PHACTR2: variants seen among roughly 807,000 people sequenced by gnomAD.
The protein encoded by PHACTR2 is chromosome 6 open reading frame 56.
PHACTR2 carries 30 observed loss-of-function variants against 76.0 expected under a neutral mutation model. The observed-to-expected ratio is 0.39, with a 90% confidence interval of 0.30 to 0.54. PHACTR2 has a LOEUF of 0.54. Ranked by LOEUF, PHACTR2 falls within the 20% of genes least tolerant of loss-of-function variation. The pLI is 0.61. For missense variants in PHACTR2, 696 were observed against 781.1 expected, an observed-to-expected ratio of 0.89 and a Z score of 1.30; for synonymous variants, 292 against 292.5, an observed-to-expected ratio of 1.00 and a Z score of 0.02.
At position 143,827,752 on chromosome 6, in the gene PHACTR2, T is replaced by C. The variant is rs1776576550; in HGVS notation, c.*4063T>C. Reference sequence around the variant, plus strand: ...TTGTCCCTTGACCTCTTGAAATGGCTAGATCTTTCACTACTGTGTAGGTAG... The same window carrying C: ...TTGTCCCTTGACCTCTTGAAATGGCCAGATCTTTCACTACTGTGTAGGTAG... On this transcript the variant is annotated 3_prime_UTR_variant, in exon 13 of 13. Coordinates refer to ENST00000440869, the MANE Select transcript of PHACTR2 (RefSeq NM_001100164.2). The C allele has an allele frequency of 6.6e-6, 1 of 152,216 alleles. No homozygotes were observed. The highest frequency in any genetic ancestry group is 6.5e-5 in the Admixed American group (1 of 15,280). 9.4% of individuals were successfully genotyped at this position (152,216 alleles called of 1,614,324 possible). A position where few individuals can be genotyped will look rare whatever the true frequency, so the allele number is the denominator to read the frequency against.
At position 143,696,603 on chromosome 6, in the gene PHACTR2, A is replaced by G. The variant is rs1175148520; in HGVS notation, c.47-15413A>G. ...AGGTTACCAGCTAGGATGGGGAGGA[A>G]CAGATTATTACATTCAGATCTTTCT... On this transcript the variant is annotated intron_variant, in intron 1 of 12. Transcript: ENST00000440869. The surrounding 1 kb of genome is among the most constrained non-coding windows in gnomAD (Gnocchi z 4.1). 1.3e-5 allele frequency among the ~76,000 whole-genome samples: 2 copies of G among 152,188 alleles called. No homozygotes were observed. The highest frequency in any genetic ancestry group is 2.4e-5 in the African/African-American group (1 of 41,438).
intron 1 of PHACTR2, among the ~76,000 whole-genome samples, chr6:143,555,959 A>G (rs1273316911): frequency 6.6e-6 from 1 of 151,890 alleles, no homozygotes; most frequent in East Asian, 1.9e-4. Context: ...GTTCAAAAAA[A>G]TGATCCTTTT....
At chr6:143,740,112 A>G (rs953228859) in intron 2 of PHACTR2, among the ~76,000 whole-genome samples, 3 of 152,198 alleles carry the variant, frequency 2.0e-5, no homozygotes, top group African/African-American at 7.2e-5. Context: ...TCATGATTAC[A>G]TGCTAAACAA....
intron 1 of PHACTR2, among the ~76,000 whole-genome samples, chr6:143,687,222 A>G (rs73778663): frequency 0.031 from 4,682 of 152,288 alleles, 214 homozygotes; most frequent in African/African-American, 0.11. Context: ...AGTCTGAAAT[A>G]GAAAATAATA....
chr6:143,787,760 TA>T lies in PHACTR2; in HGVS notation c.1708-1003del, dbSNP rs561041078. On this transcript the variant is annotated intron_variant, in intron 10 of 12. Transcript: ENST00000440869. The surrounding 1 kb of genome is among the most constrained non-coding windows in gnomAD (Gnocchi z 4.6). ...AGACCCCCCACCCACTCTGTTTAAA[TA>T]AAAAAAAAATAAGCAATATCTCCGG... is the stretch of plus-strand genomic sequence containing the variant. Among the ~76,000 whole-genome samples the T allele has an allele frequency of 4.1e-5, 6 of 147,700 alleles. No homozygotes were observed. The highest frequency in any genetic ancestry group is 1.2e-4 in the African/African-American group (5 of 40,264).
At chr6:143,640,950 A>C (rs1293879147) in intron 1 of PHACTR2, among the ~76,000 whole-genome samples, 1 of 152,202 alleles carries the variant, frequency 6.6e-6, no homozygotes, top group East Asian at 1.9e-4. Context: ...AAGAGAAGGC[A>C]TGTGTCTTAG....
Position 143,537,228 on chromosome 6 carries a change from G to A in PHACTR2, c.217+21G>A, listed in dbSNP as rs1238844155. ...CTCAGGTAAGAGCGGCTCGGGGCGC[G>A]GGCCGGGGAGGGCCGGCCGCGGGCA... is the stretch of plus-strand genomic sequence containing the variant. On this transcript the variant is annotated intron_variant, in intron 1 of 11. Coordinates refer to the PHACTR2 transcript ENST00000367584. The surrounding 1 kb of genome is among the most constrained non-coding windows in gnomAD (Gnocchi z 4.4). 9 of 209,460 alleles carry A rather than the reference G, an allele frequency of 4.3e-5. No individual in the cohort carries two copies. The highest frequency in any genetic ancestry group is 3.5e-4 in the Admixed American group (6 of 17,192). 13.0% of individuals were successfully genotyped at this position (209,460 alleles called of 1,614,324 possible).
chr6:143,827,105 A>T lies in PHACTR2; in HGVS notation c.*3416A>T, dbSNP rs1776545188. The T allele has an allele frequency of 6.9e-6, 1 of 145,644 alleles. No homozygotes were observed. The highest frequency in any genetic ancestry group is 6.9e-5 in the Admixed American group (1 of 14,422). 9.0% of individuals were successfully genotyped at this position (145,644 alleles called of 1,614,324 possible). ...TTAAAACCTGAGTCAAAAAAGGTCCAGTTTTACAGCCTGCAATTAATTCAG... is the reference window on the plus strand; with the variant it reads ...TTAAAACCTGAGTCAAAAAAGGTCCTGTTTTACAGCCTGCAATTAATTCAG... On this transcript the variant is annotated 3_prime_UTR_variant, in exon 13 of 13. Coordinates refer to ENST00000440869, the MANE Select transcript of PHACTR2 (RefSeq NM_001100164.2).
intron 1 of PHACTR2, among the ~76,000 whole-genome samples, chr6:143,593,080 A>G (rs1286090328): frequency 1.3e-5 from 2 of 148,532 alleles, no homozygotes; most frequent in Non-Finnish European, 3.0e-5. Flanking sequence ...AGGAACCCCC[A>G]TGAGATTATC....
rs1397729621 is a variant in PHACTR2 at position 143,679,115 on chromosome 6, A to G, written c.46+906A>G. Among the ~76,000 whole-genome samples, 2 of 152,246 alleles carry G rather than the reference A, an allele frequency of 1.3e-5. No individual in the cohort carries two copies. The highest frequency in any genetic ancestry group is 2.4e-5 in the African/African-American group (1 of 41,462). ...CACTTTTTAAATTGTGCAAACATCA[A>G]CAGGATCTTGCTGAAAGGAAATGAC... is the stretch of plus-strand genomic sequence containing the variant. On this transcript the variant is annotated intron_variant, in intron 1 of 12. Coordinates refer to ENST00000440869, the MANE Select transcript of PHACTR2 (RefSeq NM_001100164.2). The surrounding 1 kb of genome is among the most constrained non-coding windows in gnomAD (Gnocchi z 4.6).
At chr6:143,574,871 ACAGCAACAAC>A (rs1366155390) in intron 1 of PHACTR2, among the ~76,000 whole-genome samples, 3 of 152,190 alleles carry the variant, frequency 2.0e-5, no homozygotes, top group Non-Finnish European at 4.4e-5. Flanking sequence ...GTGGTGTAAA[ACAGCAACAAC>A]AACAACAACC....
In PHACTR2 at chr6:143,611,892, C is replaced by T. The variant is rs1292799166; in HGVS notation, c.13+3570C>T. Among the ~76,000 whole-genome samples, 1 of 152,112 alleles carries T rather than the reference C, an allele frequency of 6.6e-6. No homozygotes were observed. Among genetic ancestry groups the T allele is most frequent in the Non-Finnish European group, 1.5e-5 (1 of 68,024 alleles). On this transcript the variant is annotated intron_variant, in intron 1 of 11. Transcript: ENST00000305766. This position sits in a 1 kb window ranked among gnomAD's most constrained non-coding sequence, Gnocchi z 4.4. ...ATGCATTGGATATGCATCAGCAGAG[C>T]ACGACGAGTGGATATGGAGGCAGGG...
At position 143,823,937 on chromosome 6, in the gene PHACTR2, T is replaced by C. The variant is rs1276822423; in HGVS notation, c.*248T>C. On this transcript the variant is annotated 3_prime_UTR_variant, in exon 13 of 13. Coordinates refer to ENST00000440869, the MANE Select transcript of PHACTR2 (RefSeq NM_001100164.2). The surrounding 1 kb of genome is among the most constrained non-coding windows in gnomAD (Gnocchi z 5.7). The stretch of plus-strand genomic sequence containing the variant: ...TGCACAGCGATGGTAAGAGACACCG[T>C]GGATATTCTTCATCAGAAGCTTTAA... 3 of 378,920 alleles carry C rather than the reference T, an allele frequency of 7.9e-6. No homozygotes were observed. The highest frequency in any genetic ancestry group is 1.4e-5 in the Non-Finnish European group (3 of 209,388). 23.5% of individuals were successfully genotyped at this position (378,920 alleles called of 1,614,324 possible).
intron 7 of PHACTR2, 126 bp from the exon 8 acceptor site, chr6:143,773,933 A>T (rs1258810583): frequency 1.6e-6 from 1 of 632,628 alleles, no homozygotes; most frequent in East Asian, 2.9e-5. Context: ...GTTAATTAAG[A>T]TTCTCCTCCT....
In PHACTR2 at chr6:143,653,729, A is replaced by G. The variant is rs915859384; in HGVS notation, c.13+45407A>G. On this transcript the variant is annotated intron_variant, in intron 1 of 11. Coordinates refer to the PHACTR2 transcript ENST00000305766. The surrounding 1 kb of genome is among the most constrained non-coding windows in gnomAD (Gnocchi z 4.9). Reference sequence around the variant, plus strand: ...TTAAAAAATTAACTCAAGATTGATCAAAGACCTAGATGTAAGAGCTAAAAC... The same window carrying G: ...TTAAAAAATTAACTCAAGATTGATCGAAGACCTAGATGTAAGAGCTAAAAC... Among the ~76,000 whole-genome samples the G allele has an allele frequency of 2.0e-5, 3 of 152,112 alleles. No homozygotes were observed. The highest frequency in any genetic ancestry group is 4.4e-5 in the Non-Finnish European group (3 of 68,024).
In PHACTR2 at chr6:143,788,823, A is replaced by G. The variant is rs943158261; in HGVS notation, c.1758A>G (p.Arg586=). The change falls in exon 11 of 13, where the codon CGA becomes CGG. Residue 586 remains arginine, a synonymous_variant. Transcript: ENST00000440869. ...AGCTACAAGCTCGAAGGATCCTGCGATTTAACGAGTATGTAGAAGTCACGG... is the reference window on the plus strand; with the variant it reads ...AGCTACAAGCTCGAAGGATCCTGCGGTTTAACGAGTATGTAGAAGTCACGG... The part of the protein sequence containing the change: ...VAELQARRIL[R]FNEYVEVTDS... The G allele has an allele frequency of 3.1e-6, 5 of 1,613,690 alleles. No individual in the cohort carries two copies. The highest frequency in any genetic ancestry group is 1.6e-4 in the Middle Eastern group (1 of 6,070).
At position 143,602,231 on chromosome 6, in the gene PHACTR2, A is replaced by G. The variant is rs1015394810; in HGVS notation, c.217+65024A>G. On this transcript the variant is annotated intron_variant, in intron 1 of 11. Coordinates refer to the PHACTR2 transcript ENST00000367584. This position sits in a 1 kb window ranked among gnomAD's most constrained non-coding sequence, Gnocchi z 6.1. ...CCTTCCCATCTAGTCAGGTTTTCTAATGACATCTTGAGGAAATTTCTGCTC... is the reference window on the plus strand; with the variant it reads ...CCTTCCCATCTAGTCAGGTTTTCTAGTGACATCTTGAGGAAATTTCTGCTC... Among the ~76,000 whole-genome samples the G allele has an allele frequency of 3.3e-5, 5 of 152,018 alleles. No homozygotes were observed. Among genetic ancestry groups the G allele is most frequent in the Non-Finnish European group, 5.9e-5 (4 of 68,002 alleles).
Position 143,733,205 on chromosome 6 carries a change from C to T in PHACTR2, c.215-15780C>T, listed in dbSNP as rs1778744867. ...AGCCACCATGCCTAGCCTGATTCCT[C>T]CTCTTTTTCTACCTTACTTTTTTCA... On this transcript the variant is annotated intron_variant, in intron 2 of 12. Transcript: ENST00000440869. This position sits in a 1 kb window ranked among gnomAD's most constrained non-coding sequence, Gnocchi z 4.0. Among the ~76,000 whole-genome samples, 1 of 152,122 alleles carries T rather than the reference C, an allele frequency of 6.6e-6. No homozygotes were observed. The highest frequency in any genetic ancestry group is 1.5e-5 in the Non-Finnish European group (1 of 68,018).
At position 143,627,730 on chromosome 6, in the gene PHACTR2, T is replaced by C. The variant is rs1196172681; in HGVS notation, c.13+19408T>C. Among the ~76,000 whole-genome samples the C allele has an allele frequency of 1.3e-5, 2 of 152,076 alleles. No individual in the cohort carries two copies. Among genetic ancestry groups the C allele is most frequent in the South Asian group, 2.1e-4 (1 of 4,820 alleles). ...GATTCTCCTGCCTCAGCCTCTCTAGTAGCTGGGACTACAGGCTCGTACCGC... is the reference window on the plus strand; with the variant it reads ...GATTCTCCTGCCTCAGCCTCTCTAGCAGCTGGGACTACAGGCTCGTACCGC... On this transcript the variant is annotated intron_variant, in intron 1 of 11. Coordinates refer to the PHACTR2 transcript ENST00000305766. The surrounding 1 kb of genome is among the most constrained non-coding windows in gnomAD (Gnocchi z 4.3).
Sources: gnomAD v4.1 joint callset for allele counts (sites outside exome capture counted in the v4.1 genomes callset) on GRCh38, gnomAD v4.1.1 for gene constraint, Gnocchi (gnomAD v3.1) non-coding constraint, MANE v1.5 for transcripts, NCBI Gene and HGNC (gene_info 2026-07-23, HGNC 2026-07-21) for gene names.